Variants in SYTL4 observed in about 807,000 individuals in gnomAD.
SYTL4 encodes synaptotagmin like 4, also known as synaptotagmin-like protein 4.
In SYTL4, 16 loss-of-function variants were observed where a neutral mutation model predicts 52.7. That is an observed-to-expected ratio of 0.30 (90% CI 0.21 to 0.46). The LOEUF (loss-of-function observed/expected upper bound fraction) is 0.46. Ranked by LOEUF, SYTL4 falls within the 20% of genes least tolerant of loss-of-function variation. The pLI is 1.00. For synonymous variants in SYTL4, 160 were observed against 186.6 expected (o/e 0.86, Z 1.16); for missense variants, 423 against 519.9 (o/e 0.81, Z 1.81).
intron 2 of SYTL4, among the ~76,000 whole-genome samples, chrX:100,707,323 T>C (rs1351044199): frequency 9.8e-6 from 1 of 102,449 alleles, no homozygotes; most frequent in African/African-American, 4.5e-5. Context: ...CTTATCACAA[T>C]ACTTTTTTTT....
chrX:100,710,805 A>C (rs1179284165), intron 2 of SYTL4, among the ~76,000 whole-genome samples: 1 of 112,033 alleles, frequency 8.9e-6, no homozygotes, highest in Non-Finnish European at 1.9e-5. Context: ...TGGGAAAAAA[A>C]CCAGGTAGCT....
At chrX:100,701,143 C>T in intron 7 of SYTL4, 77 bp downstream of exon 7, 1 of 911,540 alleles carries the variant, frequency 1.1e-6, no homozygotes, top group African/African-American at 1.9e-5. Flanking sequence ...ACTGGCTGAG[C>T]CCATGGAGTT....
chrX:100,713,520 G>A (rs1484184358), intron 2 of SYTL4, among the ~76,000 whole-genome samples: 5 of 110,804 alleles, frequency 4.5e-5, no homozygotes, highest in African/African-American at 1.6e-4. Flanking sequence ...GGAGGCTGAG[G>A]TGGGAGAATC....
chrX:100,705,595 G>T lies in SYTL4; in HGVS notation c.-239-709C>A, dbSNP rs138734386. 2.9e-4 allele frequency among the ~76,000 whole-genome samples: 32 copies of T among 111,515 alleles called. 1 individual carries two copies. The East Asian group carries it at 8.4e-3, about 29-fold the overall frequency. On this transcript the variant is annotated intron_variant, in intron 2 of 19. Transcript: ENST00000372989. ...TTATCAGTTACCTGTCAGCTAAAAA[G>T]CAAGGATAGCACAGGCACACTAGAA... is the stretch of plus-strand genomic sequence containing the variant.
chrX:100,690,440 G>C (rs951331173), intron 10 of SYTL4, 123 bp downstream of exon 10: 3 of 420,805 alleles, frequency 7.1e-6, no homozygotes, highest in Non-Finnish European at 1.2e-5. Flanking sequence ...GAGGGAGGGA[G>C]GGAAGAAAGA....
intron 2 of SYTL4, among the ~76,000 whole-genome samples, chrX:100,728,713 T>C (rs996308552): frequency 9.0e-6 from 1 of 111,502 alleles, no homozygotes; most frequent in African/African-American, 3.3e-5. Context: ...TTTTAAACTT[T>C]AGAGATTTCC....
Position 100,686,138 on chromosome X carries a change from T to C in SYTL4, c.1301A>G (p.Glu434Gly). 1 of 1,207,401 alleles carries C rather than the reference T, an allele frequency of 8.3e-7. No individual in the cohort carries two copies. ...YDETLRYEIP[E>G]SLLAQRTLQF... ...CAGGGTCCTCTGGGCCAGGAGAGAT[T>C]CTGGGATCTCATACTGTGAAGGGAA... Residue 434 changes from glutamate (E) to glycine (G), a missense_variant, in exon 16 of 20, where the codon GAA becomes GGA. Physicochemically the swap from Glu to Gly is moderately conservative, Grantham distance 98. Coordinates refer to ENST00000372989, the MANE Select transcript of SYTL4 (RefSeq NM_001370165.1).
rs937097691 is a variant in SYTL4, at chrX:100,676,081, C to T, written c.1963G>A (p.Glu655Lys). Residue 655 changes from glutamate (E) to lysine (K), a missense_variant, in exon 20 of 20, where the codon GAA becomes AAA. Transcript: ENST00000372989. ...GAGGAACGGAGCTGCAGAGTCCCTT[C>T]TGCCCAAGACCCTGGGTACTGTCGC... ...KMRQYPGSWA[E>K]GTLQLRSSMA... 8.3e-7 allele frequency: 1 copy of T among 1,211,027 alleles called. No individual in the cohort carries two copies. The highest frequency in any genetic ancestry group is 1.1e-6 in the Non-Finnish European group (1 of 895,309).
At chrX:100,679,215 G>T in intron 18 of SYTL4, 98 bp downstream of exon 18, 2 of 705,911 alleles carry the variant, frequency 2.8e-6, no homozygotes, top group Non-Finnish European at 4.3e-6. Flanking sequence ...GCCGGGAGTG[G>T]TAAGACACAC....
intron 2 of SYTL4, among the ~76,000 whole-genome samples, chrX:100,723,979 C>T (rs1338222818): frequency 2.0e-5 from 2 of 99,425 alleles, no homozygotes; most frequent in African/African-American, 7.7e-5. Flanking sequence ...GGGGTCAGCC[C>T]CCCGCCCGGC....
intron 16 of SYTL4, chrX:100,684,979 G>A (rs951959172): frequency 2.7e-5 from 3 of 112,357 alleles, no homozygotes; most frequent in Non-Finnish European, 5.6e-5. Context: ...TTACAGGCGT[G>A]AGCCACCATA....
intron 8 of SYTL4, among the ~76,000 whole-genome samples, chrX:100,698,203 C>T (rs7050050): frequency 0.13 from 14,217 of 109,973 alleles, 2,217 homozygotes; most frequent in African/African-American, 0.44. Flanking sequence ...CCCGGGTTCA[C>T]GCCATTCTCC....
chrX:100,724,253 G>A (rs1316736327), intron 2 of SYTL4, among the ~76,000 whole-genome samples: 11 of 104,863 alleles, frequency 1.0e-4, no homozygotes, highest in African/African-American at 3.2e-4. Flanking sequence ...GGTGGGGGGG[G>A]TCAGCGCCCC....
At chrX:100,701,132 A>G in intron 7 of SYTL4, 88 bp downstream of exon 7, 6 of 879,786 alleles carry the variant, frequency 6.8e-6, no homozygotes, top group Non-Finnish European at 9.9e-6. Flanking sequence ...ATTCTCCACT[A>G]ACTGGCTGAG....
intron 4 of SYTL4, among the ~76,000 whole-genome samples, chrX:100,702,359 TC>T (rs1178883832): frequency 8.9e-6 from 1 of 112,269 alleles, no homozygotes; most frequent in African/African-American, 3.2e-5. Flanking sequence ...TGCATCTTAG[TC>T]TGGAAAGAAC....
chrX:100,677,638 G>A (rs2083301699), intron 19 of SYTL4, among the ~76,000 whole-genome samples: 1 of 112,054 alleles, frequency 8.9e-6, no homozygotes, highest in Non-Finnish European at 1.9e-5. Flanking sequence ...AAACTGAGAA[G>A]GGGTGAGCAG....
intron 8 of SYTL4, among the ~76,000 whole-genome samples, chrX:100,692,207 C>T (rs1009989250): frequency 1.8e-5 from 2 of 111,809 alleles, no homozygotes; most frequent in African/African-American, 6.5e-5. Flanking sequence ...TCTGTGCTCC[C>T]ATAGCATCCT....
chrX:100,713,910 T>C (rs1888923614), intron 2 of SYTL4, among the ~76,000 whole-genome samples: 1 of 110,356 alleles, frequency 9.1e-6, no homozygotes, highest in Non-Finnish European at 1.9e-5. Context: ...AAATACATAG[T>C]GTCAGAAAAC....
At chrX:100,725,343 C>T (rs985859940) in intron 2 of SYTL4, among the ~76,000 whole-genome samples, 12 of 111,676 alleles carry the variant, frequency 1.1e-4, no homozygotes, top group South Asian at 3.8e-4. Flanking sequence ...AGACAGAGAG[C>T]GTGAATAGAT....
Sources: gnomAD v4.1 joint callset for allele counts (sites outside exome capture counted in the v4.1 genomes callset) on GRCh38, gnomAD v4.1.1 for gene constraint, MANE v1.5 for transcripts, NCBI Gene and HGNC (gene_info 2026-07-23, HGNC 2026-07-21) for gene names.